The following CNOT9 variants were observed in gnomAD, a reference collection of about 807,000 sequenced individuals.
CNOT9 encodes the protein RCD1 required for cell differentiation1 homolog.
Under a neutral mutation model 37.4 loss-of-function variants are expected in CNOT9, and 8 were observed. The observed-to-expected ratio is 0.21, with a 90% CI of 0.13 to 0.39. The LOEUF (loss-of-function observed/expected upper bound fraction) is 0.39. Ranked by LOEUF, CNOT9 falls within the 10% of genes least tolerant of loss-of-function variation. The pLI is 1.00. For synonymous variants in CNOT9, 120 were observed against 137.6 expected, an observed-to-expected ratio of 0.87 and a Z score of 0.90; for missense variants, 154 against 365.3, an observed-to-expected ratio of 0.42 and a Z score of 4.71.
chr2:218,576,001 A>G (rs996134082), intron 1 of CNOT9, among the ~76,000 whole-genome samples: 4 of 152,208 alleles, frequency 2.6e-5, no homozygotes, highest in Admixed American at 6.5e-5. Flanking sequence ...TTGTCTGCCC[A>G]TGGTTTCATC....
chr2:218,572,295 TG>T (rs999522626), intron 1 of CNOT9, among the ~76,000 whole-genome samples: 64 of 152,170 alleles, frequency 4.2e-4, no homozygotes, highest in African/African-American at 1.5e-3. Flanking sequence ...CACTTCAGCC[TG>T]GGAGACAAGA....
chr2:218,589,806 T>C (rs35588689), intron 5 of CNOT9, among the ~76,000 whole-genome samples: 6,121 of 152,296 alleles, frequency 0.04, 155 homozygotes, highest in East Asian at 0.12. Context: ...TCCCTATACC[T>C]GGCTATTTTT....
chr2:218,592,537 C>A lies in CNOT9; in HGVS notation c.640-79C>A. Reference sequence around the variant, plus strand: ...GAACCTTTTATGATTCTTGGACTATCTGATCTCTGATGTCAATTAGAATTT... The same window carrying A: ...GAACCTTTTATGATTCTTGGACTATATGATCTCTGATGTCAATTAGAATTT... On this transcript the variant is annotated intron_variant, in intron 6 of 7. Coordinates refer to ENST00000273064, the MANE Select transcript of CNOT9 (RefSeq NM_005444.3). This position sits in a 1 kb window ranked among gnomAD's most constrained non-coding sequence, Gnocchi z 4.1. The A allele has an allele frequency of 6.6e-7, 1 of 1,515,710 alleles. No homozygotes were observed. Among genetic ancestry groups the A allele is most frequent in the Non-Finnish European group, 9.2e-7 (1 of 1,090,346 alleles). 93.9% of individuals were successfully genotyped at this position (1,515,710 alleles called of 1,614,324 possible). A position where few individuals can be genotyped will look rare whatever the true frequency, so the allele number is the denominator to read the frequency against.
chr2:218,584,762 A>G (rs1457863580), intron 4 of CNOT9, 41 bp downstream of exon 4: 1 of 1,358,364 alleles, frequency 7.4e-7, no homozygotes, highest in South Asian at 1.2e-5. Context: ...AAATACTCAC[A>G]GTAGTAGTCT....
intron 4 of CNOT9, among the ~76,000 whole-genome samples, chr2:218,586,488 CTTT>C (rs779670750): frequency 7.3e-5 from 10 of 137,700 alleles, no homozygotes; most frequent in Non-Finnish European, 7.9e-5. Flanking sequence ...CTGATCTCAG[CTTT>C]TTTTTTTTTT....
chr2:218,594,243 C>T lies in CNOT9; in HGVS notation c.867C>T (p.Thr289=), dbSNP rs369273231. Residue 289 remains threonine (T), a synonymous_variant, in exon 8 of 8, where the codon ACC becomes ACT. Coordinates refer to ENST00000273064, the MANE Select transcript of CNOT9 (RefSeq NM_005444.3). ...LVKNLQEGQV[T]DPRGIPLPPQ ...AGAACCTGCAAGAGGGCCAGGTCAC[C>T]GATCCCCGGGGTATCCCCCTGCCCC... 3.7e-6 allele frequency: 6 copies of T among 1,613,542 alleles called. No homozygotes were observed. Among genetic ancestry groups the T allele is most frequent in the African/African-American group, 2.7e-5 (2 of 74,940 alleles).
intron 4 of CNOT9, among the ~76,000 whole-genome samples, chr2:218,586,447 T>C (rs1347860232): frequency 1.3e-4 from 20 of 151,658 alleles, no homozygotes; most frequent in Admixed American, 1.3e-3. Context: ...AGAGAGACTT[T>C]ACAAGAACTA....
chr2:218,587,511 G>A, intron 4 of CNOT9, 75 bp from the exon 5 acceptor site: 1 of 1,419,698 alleles, frequency 7.0e-7, no homozygotes, highest in African/African-American at 1.5e-5. Context: ...CAACTCACTG[G>A]ATAAACAGTT....
intron 4 of CNOT9, among the ~76,000 whole-genome samples, chr2:218,586,041 A>G (rs1173881265): frequency 6.6e-6 from 1 of 152,180 alleles, no homozygotes; most frequent in Non-Finnish European, 1.5e-5. Flanking sequence ...AAAACTACAA[A>G]ACTGATTTCT....
rs577738201 is a variant in CNOT9, at chr2:218,583,750, A to G, written c.320+664A>G. On this transcript the variant is annotated intron_variant, in intron 3 of 7. Transcript: ENST00000273064. ...TGGCACTGACCTTACACAGCTTTAG[A>G]GAAATTACTAAGAAAATTACTTTTA... 2.6e-5 allele frequency among the ~76,000 whole-genome samples: 4 copies of G among 152,320 alleles called. No individual in the cohort carries two copies. The South Asian group carries it at 8.3e-4, about 32-fold the overall frequency.
chr2:218,592,344 C>T lies in CNOT9; in HGVS notation c.581C>T (p.Thr194Ile). 6.2e-7 allele frequency: 1 copy of T among 1,614,128 alleles called. No homozygotes were observed. Among genetic ancestry groups the T allele is most frequent in the African/African-American group, 1.3e-5 (1 of 75,058 alleles). Residue 194 changes from threonine to isoleucine, a missense_variant, in exon 6 of 8, where the codon ACT becomes ATT. By Grantham distance (89) the Thr-to-Ile change is moderately conservative. Transcript: ENST00000273064. The surrounding 1 kb of genome is among the most constrained non-coding windows in gnomAD (Gnocchi z 4.1). The stretch of plus-strand genomic sequence containing the variant: ...CTCCAGAAGATCTTGTTAGATGACA[C>T]TGGTTTGGCTTATATATGTCAGACG... ...FILQKILLDD[T>I]GLAYICQTYE...
In CNOT9 at chr2:218,592,783, CTG is replaced by C; in HGVS notation, c.731+80_731+81del. 5.9e-6 allele frequency: 7 copies of C among 1,181,004 alleles called. No homozygotes were observed. Among genetic ancestry groups the C allele is most frequent in the Non-Finnish European group, 8.9e-6 (7 of 788,818 alleles). The allele number at this position is 1,181,004 out of a possible 1,614,324, so 73.2% of individuals were successfully genotyped here. On this transcript the variant is annotated intron_variant, in intron 7 of 7. Coordinates refer to ENST00000273064, the MANE Select transcript of CNOT9 (RefSeq NM_005444.3). This position sits in a 1 kb window ranked among gnomAD's most constrained non-coding sequence, Gnocchi z 4.1. The stretch of plus-strand genomic sequence containing the variant: ...GTTTCCTAATCTCATGGCATAGCTC[CTG>C]TGTCTTTAGGACAGGGAAGTGGGGA...
At chr2:218,575,359 C>T (rs1259397396) in intron 1 of CNOT9, among the ~76,000 whole-genome samples, 2 of 148,276 alleles carry the variant, frequency 1.3e-5, no homozygotes, top group Non-Finnish European at 3.0e-5. Context: ...GTAAAAGATC[C>T]ACAATTTTCT....
rs1694824017 is a variant in CNOT9 at position 218,592,797 on chromosome 2, C to T, written c.731+90C>T. The T allele has an allele frequency of 9.8e-7, 1 of 1,020,166 alleles. No homozygotes were observed. The highest frequency in any genetic ancestry group is 1.5e-6 in the Non-Finnish European group (1 of 652,130). 63.2% of individuals were successfully genotyped at this position (1,020,166 alleles called of 1,614,324 possible). A position where few individuals can be genotyped will look rare whatever the true frequency, so the allele number is the denominator to read the frequency against. On this transcript the variant is annotated intron_variant, in intron 7 of 7. Transcript: ENST00000273064. This position sits in a 1 kb window ranked among gnomAD's most constrained non-coding sequence, Gnocchi z 4.1. Reference sequence around the variant, plus strand: ...TGGCATAGCTCCTGTGTCTTTAGGACAGGGAAGTGGGGATATAACTGCATT... The same window carrying T: ...TGGCATAGCTCCTGTGTCTTTAGGATAGGGAAGTGGGGATATAACTGCATT...
At chr2:218,573,450 G>A in intron 1 of CNOT9, among the ~76,000 whole-genome samples, 1 of 151,876 alleles carries the variant, frequency 6.6e-6, no homozygotes, top group East Asian at 1.9e-4. Flanking sequence ...TCCACGTGTT[G>A]ATCTCCAGAC....
Position 218,592,829 on chromosome 2 carries a change from GT to G in CNOT9, c.731+123del, listed in dbSNP as rs1694824997. 2.2e-5 allele frequency: 16 copies of G among 739,366 alleles called. No homozygotes were observed. In the South Asian group the frequency reaches 2.7e-4, roughly 12 times the overall value. The allele number at this position is 739,366 out of a possible 1,614,324, so 45.8% of individuals were successfully genotyped here. A position where few individuals can be genotyped will look rare whatever the true frequency, so the allele number is the denominator to read the frequency against. On this transcript the variant is annotated intron_variant, in intron 7 of 7. Coordinates refer to ENST00000273064, the MANE Select transcript of CNOT9 (RefSeq NM_005444.3). The surrounding 1 kb of genome is among the most constrained non-coding windows in gnomAD (Gnocchi z 4.1). ...GTGGGGATATAACTGCATTTAGTTT[GT>G]CTGAGACAGAACTTAGATTCTTTTA...
intron 1 of CNOT9, among the ~76,000 whole-genome samples, chr2:218,576,475 C>A (rs1326783927): frequency 2.0e-5 from 3 of 152,172 alleles, no homozygotes; most frequent in Non-Finnish European, 4.4e-5. Flanking sequence ...ATTGTACTGA[C>A]TTCTCTCTGA....
chr2:218,594,086 G>A (rs1322575823), intron 7 of CNOT9, 22 bp from the exon 8 acceptor site: 4 of 1,612,564 alleles, frequency 2.5e-6, no homozygotes, highest in Non-Finnish European at 3.4e-6. Flanking sequence ...CTCCCTGGTT[G>A]GTTTGTTTGT....
At position 218,594,457 on chromosome 2, in the gene CNOT9, A is replaced by G; in HGVS notation, c.*181A>G. ...TGGGCTGCCATCTCAGGCTGTCTTG[A>G]GGACCTGGGCTCCCTCTGCTACTCC... On this transcript the variant is annotated 3_prime_UTR_variant, in exon 8 of 8. Transcript: ENST00000273064. 1 of 669,910 alleles carries G rather than the reference A, an allele frequency of 1.5e-6. No individual in the cohort carries two copies. Among genetic ancestry groups the G allele is most frequent in the Non-Finnish European group, 2.4e-6 (1 of 408,176 alleles). The allele number at this position is 669,910 out of a possible 1,614,324, so 41.5% of individuals were successfully genotyped here.
Sources: allele counts gnomAD v4.1 joint callset (sites outside exome capture counted in the v4.1 genomes callset), GRCh38; gene constraint gnomAD v4.1.1; non-coding constraint Gnocchi (gnomAD v3.1); transcripts MANE v1.5; gene names NCBI Gene and HGNC (gene_info 2026-07-23, HGNC 2026-07-21).